NIPA1: variants seen among roughly 807,000 people sequenced by gnomAD.
The protein encoded by NIPA1 is magnesium transporter NIPA1.
A neutral mutation model predicts 23.9 loss-of-function variants in NIPA1; 13 were observed. The ratio of observed to expected loss-of-function variants is 0.54; its 90% CI spans 0.35 to 0.87. The LOEUF is 0.87. Ranked by LOEUF, NIPA1 falls within the 40% of genes least tolerant of loss-of-function variation. The pLI, the probability that NIPA1 is intolerant of heterozygous loss-of-function variation, is 0.01. For synonymous variants in NIPA1, 234 were observed against 202.9 expected (o/e 1.15, Z -1.30); for missense variants, 362 against 429.7 (o/e 0.84, Z 1.39).
intron 4 of NIPA1, among the ~76,000 whole-genome samples, chr15:22,821,263 C>CTGTAAAT (rs1895533939): frequency 6.6e-6 from 1 of 152,162 alleles, no homozygotes; most frequent in African/African-American, 2.4e-5. Flanking sequence ...CCATGCCCGT[C>CTGTAAAT]CTTTTTTTAT....
chr15:22,812,070 C>CT, intron 2 of NIPA1, 93 bp from the exon 3 acceptor site: 1 of 976,666 alleles, frequency 1.0e-6, no homozygotes, highest in East Asian at 2.6e-5. Context: ...TGAAGTAGCC[C>CT]TTTCAGGGCA....
rs1239718752 is a variant in NIPA1 at position 22,827,820 on chromosome 15, T to A, written c.*3581T>A. 6.6e-6 allele frequency: 1 copy of A among 152,144 alleles called. No homozygotes were observed. The highest frequency in any genetic ancestry group is 1.5e-5 in the Non-Finnish European group (1 of 68,034). The allele number at this position is 152,144 out of a possible 1,614,324, so 9.4% of individuals were successfully genotyped here. On this transcript the variant is annotated 3_prime_UTR_variant, in exon 5 of 5. Coordinates refer to ENST00000337435, the MANE Select transcript of NIPA1 (RefSeq NM_144599.5). ...CTTTGGAGATGCAGTGTCTCCCAGG[T>A]GTGCACGGACACCTGGTCCGTGGAA...
chr15:22,807,888 A>G (rs569144437), intron 1 of NIPA1, among the ~76,000 whole-genome samples: 2 of 151,222 alleles, frequency 1.3e-5, no homozygotes, highest in Non-Finnish European at 1.5e-5. Context: ...GGTTCATGCC[A>G]TTTTCCTGCC....
chr15:22,823,554 GA>G, intron 4 of NIPA1, among the ~76,000 whole-genome samples, 173 bp from the exon 5 acceptor site: 1 of 152,226 alleles, frequency 6.6e-6, no homozygotes, highest in East Asian at 1.9e-4. Context: ...TTTGTGGAAT[GA>G]AATCAGTGGG....
chr15:22,810,981 C>T, intron 2 of NIPA1, 185 bp downstream of exon 2: 1 of 631,640 alleles, frequency 1.6e-6, no homozygotes, highest in Non-Finnish European at 2.8e-6. Flanking sequence ...GGCACTCTCC[C>T]TGCTCCCCTT....
chr15:22,800,023 T>G (rs1480420244), intron 1 of NIPA1, among the ~76,000 whole-genome samples: 1 of 138,756 alleles, frequency 7.2e-6, no homozygotes, highest in Non-Finnish European at 1.5e-5. Flanking sequence ...AGGGGAAGGG[T>G]AGAAGACTGG....
chr15:22,791,276 C>G (rs992584410), intron 1 of NIPA1, among the ~76,000 whole-genome samples: 1 of 151,954 alleles, frequency 6.6e-6, no homozygotes, highest in Admixed American at 6.6e-5. Flanking sequence ...TCTGTTATTC[C>G]ACTCTGTATG....
In NIPA1 at chr15:22,824,014, C is replaced by T. The variant is rs369533629; in HGVS notation, c.765C>T (p.Phe255=). The T allele has an allele frequency of 1.2e-5, 19 of 1,614,080 alleles. No homozygotes were observed. Among genetic ancestry groups the T allele is most frequent in the Admixed American group, 1.7e-5 (1 of 60,020 alleles). The change falls in exon 5 of 5, where the codon TTC becomes TTT. Residue 255 remains phenylalanine, a synonymous_variant. Transcript: ENST00000337435. This position sits in a 1 kb window ranked among gnomAD's most constrained non-coding sequence, Gnocchi z 4.1. Reference sequence around the variant, plus strand: ...ACATCAACAAGGCGCTGGAGTGCTTCGACTCCTCGGTGTTCGGGGCCATCT... The same window carrying T: ...ACATCAACAAGGCGCTGGAGTGCTTTGACTCCTCGGTGTTCGGGGCCATCT... The part of the protein sequence containing the change: ...FRYINKALEC[F]DSSVFGAIYY...
At chr15:22,788,297 C>G (rs1367013700) in intron 1 of NIPA1, among the ~76,000 whole-genome samples, 2 of 148,144 alleles carry the variant, frequency 1.4e-5, no homozygotes, top group African/African-American at 2.6e-5. Flanking sequence ...GTCAGGAGAT[C>G]TAGACCATCC....
At chr15:22,812,465 A>C (rs1336031585) in intron 3 of NIPA1, among the ~76,000 whole-genome samples, 1 of 152,162 alleles carries the variant, frequency 6.6e-6, no homozygotes. Context: ...CAGCCTGGCC[A>C]ACATGGTGAA....
At chr15:22,789,585 TG>T (rs1029878577) in intron 1 of NIPA1, among the ~76,000 whole-genome samples, 4 of 152,104 alleles carry the variant, frequency 2.6e-5, no homozygotes, top group African/African-American at 9.7e-5. Context: ...AAAACTTGTA[TG>T]GGGGTTGAGC....
intron 2 of NIPA1, among the ~76,000 whole-genome samples, chr15:22,811,362 C>A (rs1387520731): frequency 6.6e-6 from 1 of 152,138 alleles, no homozygotes; most frequent in African/African-American, 2.4e-5. Context: ...AATCCCAGCA[C>A]TTTGGGAGGC....
intron 1 of NIPA1, among the ~76,000 whole-genome samples, chr15:22,806,473 A>G (rs1454879511): frequency 1.3e-5 from 2 of 152,116 alleles, no homozygotes; most frequent in Non-Finnish European, 2.9e-5. Context: ...TGCAGCCCAC[A>G]CCTAGGAGTG....
At position 22,812,233 on chromosome 15, in the gene NIPA1, C is replaced by A; in HGVS notation, c.297C>A (p.Gly99=). 6.2e-7 allele frequency: 1 copy of A among 1,613,282 alleles called. No individual in the cohort carries two copies. The highest frequency in any genetic ancestry group is 1.1e-5 in the South Asian group (1 of 91,060). The change falls in exon 3 of 5, where the codon GGC becomes GGA. Residue 99 remains glycine, a synonymous_variant. Transcript: ENST00000337435. Reference sequence around the variant, plus strand: ...CCACGGTCCTGGTAACCCCCCTGGGCGCCCTTGGAGTACCGTTCGGGTGAG... The same window carrying A: ...CCACGGTCCTGGTAACCCCCCTGGGAGCCCTTGGAGTACCGTTCGGGTGAG... ...AVPTVLVTPL[G]ALGVPFGSIL...
intron 3 of NIPA1, among the ~76,000 whole-genome samples, chr15:22,812,464 C>T (rs943355817): frequency 5.3e-5 from 8 of 151,976 alleles, no homozygotes; most frequent in East Asian, 3.9e-4. Context: ...CCAGCCTGGC[C>T]AACATGGTGA....
At chr15:22,807,056 T>A (rs1895224636) in intron 1 of NIPA1, among the ~76,000 whole-genome samples, 1 of 152,172 alleles carries the variant, frequency 6.6e-6, no homozygotes, top group Admixed American at 6.5e-5. Context: ...TATACACCTT[T>A]TGATTTGTGC....
Position 22,820,496 on chromosome 15 carries a change from G to T in NIPA1, c.478+23G>T, listed in dbSNP as rs781089023. The T allele has an allele frequency of 1.6e-5, 25 of 1,606,518 alleles. No homozygotes were observed. In the Admixed American group the frequency reaches 4.2e-4, roughly 27 times the overall value. On this transcript the variant is annotated intron_variant, in intron 4 of 4. Transcript: ENST00000337435. ...CAGGTAATTCCTTTCTAGCAGCACT[G>T]CCAAGAAAGTTTGCAGTAGGAGTGC...
chr15:22,802,099 TA>T (rs1895095717), intron 1 of NIPA1, among the ~76,000 whole-genome samples: 1 of 151,896 alleles, frequency 6.6e-6, no homozygotes. Flanking sequence ...CTTTTTAAAT[TA>T]AAAAAATTAA....
chr15:22,794,652 G>A (rs544058395), intron 1 of NIPA1, among the ~76,000 whole-genome samples: 42 of 152,190 alleles, frequency 2.8e-4, no homozygotes, highest in South Asian at 2.1e-3. Context: ...AGATCCAGGC[G>A]TCCCATTTCG....
Sources: gnomAD v4.1 joint callset for allele counts (sites outside exome capture counted in the v4.1 genomes callset) on GRCh38, gnomAD v4.1.1 for gene constraint, Gnocchi (gnomAD v3.1) non-coding constraint, MANE v1.5 for transcripts, NCBI Gene and HGNC (gene_info 2026-07-23, HGNC 2026-07-21) for gene names.